The following C5 variants were observed in gnomAD, a reference collection of about 807,000 sequenced individuals.
C5 encodes the protein C3 and PZP-like alpha-2-macroglobulin domain-containing protein 4.
A neutral mutation model predicts 218.8 loss-of-function variants in C5; 140 were observed. The ratio of observed to expected loss-of-function variants is 0.64; its 90% CI spans 0.56 to 0.74. C5 has a LOEUF of 0.74. Among genes scored for constraint, C5 ranks in the 30% least tolerant of loss-of-function variants. The pLI, the probability that C5 is intolerant of heterozygous loss-of-function variation, is 0.00. For synonymous variants in C5, 614 were observed against 682.3 expected, an observed-to-expected ratio of 0.90 and a Z score of 1.56; for missense variants, 1,700 against 1,969.6, an observed-to-expected ratio of 0.86 and a Z score of 2.59.
rs2047626097 is a variant in C5, at chr9:121,046,239, A to G, written c.210T>C (p.His70=). The change falls in exon 2 of 41, where the codon CAT becomes CAC. Residue 70 remains histidine (H), a synonymous_variant. Coordinates refer to ENST00000223642, the MANE Select transcript of C5 (RefSeq NM_001735.3). Reference sequence around the variant, plus strand: ...ATTTATTCTCTGAGGATAAATGAACATGGCCTGAGGAGTAACTAAATTTTT... The same window carrying G: ...ATTTATTCTCTGAGGATAAATGAACGTGGCCTGAGGAGTAACTAAATTTTT... ...PDKKFSYSSG[H]VHLSSENKFQ... 1.9e-6 allele frequency: 3 copies of G among 1,606,386 alleles called. No individual in the cohort carries two copies. The highest frequency in any genetic ancestry group is 2.6e-6 in the Non-Finnish European group (3 of 1,173,930).
At chr9:121,041,676 A>G (rs2047582484) in intron 3 of C5, among the ~76,000 whole-genome samples, 1 of 152,082 alleles carries the variant, frequency 6.6e-6, no homozygotes, top group Non-Finnish European at 1.5e-5. Context: ...AAGACTGATG[A>G]CCCTTAGTTG....
intron 20 of C5, among the ~76,000 whole-genome samples, chr9:121,004,719 G>C (rs772731234): frequency 5.3e-5 from 8 of 152,008 alleles, no homozygotes; most frequent in Non-Finnish European, 8.8e-5. Flanking sequence ...TTTGCAGTGA[G>C]CGGAGATCGC....
At chr9:121,066,663 G>A in the C5 span, among the ~76,000 whole-genome samples, 1 of 150,958 alleles carries the variant, frequency 6.6e-6, no homozygotes, top group African/African-American at 2.4e-5. Context: ...TGGCCAACAT[G>A]ATGAAACCCC....
rs138572644 is a variant in C5, at chr9:120,982,763, C to T, written c.3282G>A (p.Glu1094=). 9 of 1,602,966 alleles carry T rather than the reference C, an allele frequency of 5.6e-6. No homozygotes were observed. The African/African-American group carries it at 9.4e-5, about 17-fold the overall frequency. ...RVLGQVNKYV[E]QNQNSICNSL... ...AATTACAAATTGAATTTTGGTTCTG[C>T]TCTACGTATTTATTTACTTGTCCAA... Residue 1094 remains glutamate (E), a synonymous_variant, in exon 26 of 41, where the codon GAG becomes GAA. Transcript: ENST00000223642.
In C5 at chr9:120,980,223, T is replaced by C. The variant is rs901509548; in HGVS notation, c.3518A>G (p.Asn1173Ser). The C allele has an allele frequency of 1.9e-6, 3 of 1,614,152 alleles. No homozygotes were observed. The highest frequency in any genetic ancestry group is 2.5e-6 in the Non-Finnish European group (3 of 1,180,008). Residue 1173 changes from asparagine to serine, a missense_variant, in exon 28 of 41, where the codon AAC (asparagine) becomes AGC (serine). Physicochemically the swap from Asn to Ser is conservative, Grantham distance 46 (BLOSUM62 1). Coordinates refer to ENST00000223642, the MANE Select transcript of C5 (RefSeq NM_001735.3). ...TGGCAGTGTATTTTCAAGCAGAAAGTTGTCAGCTTTAATTAGAGCTGTGTC... is the reference window on the plus strand; with the variant it reads ...TGGCAGTGTATTTTCAAGCAGAAAGCTGTCAGCTTTAATTAGAGCTGTGTC... ...KIDTALIKAD[N>S]FLLENTLPAQ...
intron 14 of C5, 43 bp downstream of exon 14, chr9:121,017,319 C>T (rs1167291447): frequency 5.6e-6 from 9 of 1,611,094 alleles, no homozygotes; most frequent in Non-Finnish European, 7.6e-6. Context: ...AGCCTGGTGG[C>T]CACACTTCAT....
chr9:121,061,977 A>G, the C5 span, among the ~76,000 whole-genome samples: 1 of 152,282 alleles, frequency 6.6e-6, no homozygotes, highest in Non-Finnish European at 1.5e-5. Flanking sequence ...ATCATATTCA[A>G]GGTACACATA....
At chr9:121,071,275 G>A in the C5 span, among the ~76,000 whole-genome samples, 17 of 152,052 alleles carry the variant, frequency 1.1e-4, no homozygotes, top group South Asian at 3.1e-3. Flanking sequence ...AGCCATGATC[G>A]TGCTACTGCA....
intron 8 of C5, among the ~76,000 whole-genome samples, chr9:121,026,191 A>G (rs1173678936): frequency 6.6e-6 from 1 of 152,206 alleles, no homozygotes; most frequent in African/African-American, 2.4e-5. Flanking sequence ...ATAAGATTGT[A>G]GAGGATAAAT....
chr9:120,982,884 C>G, intron 25 of C5, 70 bp from the exon 26 acceptor site: 1 of 822,804 alleles, frequency 1.2e-6, no homozygotes, highest in Non-Finnish European at 1.9e-6. Flanking sequence ...TTAATTTATA[C>G]AACTTTATTC....
At chr9:121,017,983 T>A in intron 12 of C5, 131 bp from the exon 13 acceptor site, 1 of 672,346 alleles carries the variant, frequency 1.5e-6, no homozygotes, top group Non-Finnish European at 2.6e-6. Context: ...CTGGGCACAG[T>A]GGCTCACACC....
intron 32 of C5, among the ~76,000 whole-genome samples, chr9:120,969,567 A>C (rs2046895141): frequency 6.6e-6 from 1 of 152,138 alleles, no homozygotes; most frequent in Admixed American, 6.5e-5. Flanking sequence ...GGAGTGTGCA[A>C]GTGGACTTGC....
At chr9:121,013,632 T>C (rs768922383) in intron 17 of C5, among the ~76,000 whole-genome samples, 1 of 152,194 alleles carries the variant, frequency 6.6e-6, no homozygotes, top group Non-Finnish European at 1.5e-5. Flanking sequence ...CATTCAAGTT[T>C]ATGGGATGAC....
At chr9:121,018,615 A>C (rs1389797864) in intron 12 of C5, among the ~76,000 whole-genome samples, 6 of 87,812 alleles carry the variant, frequency 6.8e-5, no homozygotes, top group African/African-American at 1.6e-4. Context: ...GGAAGGAAGG[A>C]AGGCAAGAAA....
chr9:121,005,580 G>C (rs898570473), intron 20 of C5, among the ~76,000 whole-genome samples: 2 of 152,110 alleles, frequency 1.3e-5, no homozygotes, highest in Admixed American at 6.5e-5. Flanking sequence ...TGGAGGAAAG[G>C]GTTGTTAGAA....
intron 31 of C5, 111 bp downstream of exon 31, chr9:120,971,819 A>G (rs773645941): frequency 1.5e-5 from 12 of 778,388 alleles, no homozygotes; most frequent in Non-Finnish European, 2.7e-5. Flanking sequence ...CACTTTAGTC[A>G]TGGTTACCCA....
intron 12 of C5, 58 bp downstream of exon 12, chr9:121,019,918 G>T (rs1587983214): frequency 8.8e-7 from 1 of 1,130,606 alleles, no homozygotes; most frequent in Non-Finnish European, 1.3e-6. Context: ...CTCTCTAGAG[G>T]CAAAGGAAAA....
chr9:121,053,892 C>T (rs2047685314), upstream of C5, among the ~76,000 whole-genome samples: 1 of 152,122 alleles, frequency 6.6e-6, no homozygotes, highest in African/African-American at 2.4e-5. Context: ...GGGAGAAACC[C>T]AGGTCATGGC....
In C5 at chr9:120,960,438, T is replaced by C. The variant is rs910608364; in HGVS notation, c.4589-101A>G. On this transcript the variant is annotated intron_variant, in intron 37 of 40. Coordinates refer to ENST00000223642, the MANE Select transcript of C5 (RefSeq NM_001735.3). ...TCTCATGAGCCCAGAGACAACCCAA[T>C]ATAACCTTACAAATGTCAGATTTCT... 35 of 766,426 alleles carry C rather than the reference T, an allele frequency of 4.6e-5. No homozygotes were observed. In the East Asian group the frequency reaches 6.6e-4, roughly 15 times the overall value. The allele number at this position is 766,426 out of a possible 1,614,324, so 47.5% of individuals were successfully genotyped here. A position where few individuals can be genotyped will look rare whatever the true frequency, so the allele number is the denominator to read the frequency against.
Sources: allele counts gnomAD v4.1 joint callset (sites outside exome capture counted in the v4.1 genomes callset), GRCh38; gene constraint gnomAD v4.1.1; transcripts MANE v1.5; gene names NCBI Gene and HGNC (gene_info 2026-07-23, HGNC 2026-07-21).